PLCB1: variants seen among roughly 807,000 people sequenced by gnomAD.
The protein encoded by PLCB1 is 1-phosphatidylinositol 4,5-bisphosphate phosphodiesterase beta-1.
Under a neutral mutation model 161.8 loss-of-function variants are expected in PLCB1, and 46 were observed. The ratio of observed to expected loss-of-function variants is 0.28; its 90% CI spans 0.22 to 0.36. PLCB1 has a LOEUF of 0.36. Ranked by LOEUF, PLCB1 falls within the 10% of genes least tolerant of loss-of-function variation. The probability of loss-of-function intolerance (pLI) is 1.00; values close to 1 mark genes in which losing one functional copy is unlikely to be tolerated. For missense variants in PLCB1, 1,016 were observed against 1,472.5 expected (o/e 0.69, Z 5.07); for synonymous variants, 517 against 503.7 (o/e 1.03, Z -0.35).
At chr20:8,650,059 A>C (rs568724593) in intron 7 of PLCB1, 1 of 152,330 alleles carries the variant, frequency 6.6e-6, no homozygotes, top group African/African-American at 2.4e-5. Context: ...TTGTAGATAA[A>C]AAAGTCACCT....
intron 9 of PLCB1, among the ~76,000 whole-genome samples, chr20:8,659,197 T>G (rs185551281): frequency 5.3e-5 from 8 of 152,270 alleles, no homozygotes; most frequent in Admixed American, 5.2e-4. Flanking sequence ...TGGCTGTCTG[T>G]GTAAAAAAGC....
chr20:8,754,491 T>G (rs1981641450), intron 23 of PLCB1, among the ~76,000 whole-genome samples: 1 of 152,188 alleles, frequency 6.6e-6, no homozygotes, highest in Non-Finnish European at 1.5e-5. Flanking sequence ...TCTCTATCCT[T>G]TTTCAGAGGG....
intron 3 of PLCB1, among the ~76,000 whole-genome samples, chr20:8,581,155 C>CT (rs552189833): frequency 3.7e-4 from 56 of 152,298 alleles, no homozygotes; most frequent in African/African-American, 1.3e-3. Context: ...CTATGAAGGA[C>CT]TTTAAGTTCT....
intron 2 of PLCB1, among the ~76,000 whole-genome samples, chr20:8,272,600 C>T (rs1026527622): frequency 1.3e-5 from 2 of 151,882 alleles, no homozygotes; most frequent in Non-Finnish European, 1.5e-5. Context: ...CAATTGACCT[C>T]GAGTATACCC....
chr20:8,741,681 T>C, intron 23 of PLCB1, 108 bp downstream of exon 23: 1 of 673,222 alleles, frequency 1.5e-6, no homozygotes, highest in East Asian at 2.8e-5. Flanking sequence ...AATAGCACAT[T>C]GGAACAACAC....
chr20:8,488,326 A>C (rs1982814249), intron 3 of PLCB1, among the ~76,000 whole-genome samples: 1 of 152,090 alleles, frequency 6.6e-6, no homozygotes, highest in African/African-American at 2.4e-5. Flanking sequence ...AGGGAACTCC[A>C]CAGGGATCAA....
chr20:8,463,835 A>G (rs2122693694), intron 3 of PLCB1, among the ~76,000 whole-genome samples: 1 of 152,284 alleles, frequency 6.6e-6, no homozygotes, highest in Middle Eastern at 3.4e-3. Flanking sequence ...AACCACACAC[A>G]TTAGACATTT....
intron 10 of PLCB1, among the ~76,000 whole-genome samples, chr20:8,694,402 A>T (rs1408956573): frequency 6.6e-6 from 1 of 152,196 alleles, no homozygotes; most frequent in Non-Finnish European, 1.5e-5. Context: ...TAGGTGGACA[A>T]TAAACTCTTT....
chr20:8,334,133 C>T (rs1044537106), intron 2 of PLCB1, among the ~76,000 whole-genome samples: 4 of 151,796 alleles, frequency 2.6e-5, no homozygotes, highest in African/African-American at 7.3e-5. Flanking sequence ...TGCTTGAACC[C>T]GGGAGGTGGA....
Position 8,482,092 on chromosome 20 carries a change from A to ATTTTTTTTTT in PLCB1, c.246+110663_246+110672dup, listed in dbSNP as rs199634903. 1.8e-3 allele frequency among the ~76,000 whole-genome samples: 193 copies of ATTTTTTTTTT among 104,858 alleles called. 19 individuals carry two copies. Among genetic ancestry groups the ATTTTTTTTTT allele is most frequent in the African/African-American group, 3.2e-3 (75 of 23,640 alleles). The allele number at this position is 104,858 out of a possible 152,430, so 68.8% of individuals were successfully genotyped here. The stretch of plus-strand genomic sequence containing the variant: ...TTCAATTTATTTTGTGCTTGAAGGA[A>ATTTTTTTTTT]TTTTTTTTTTTTTTTTTTTTTTTTT... On this transcript the variant is annotated intron_variant, in intron 3 of 31. Transcript: ENST00000338037.
intron 3 of PLCB1, among the ~76,000 whole-genome samples, chr20:8,393,898 A>G (rs1283810130): frequency 6.6e-6 from 1 of 152,174 alleles, no homozygotes; most frequent in African/African-American, 2.4e-5. Context: ...AGATGTTTAG[A>G]GAACAGGTTC....
chr20:8,765,710 CA>C (rs1982279511), intron 26 of PLCB1, among the ~76,000 whole-genome samples: 1 of 151,724 alleles, frequency 6.6e-6, no homozygotes, highest in South Asian at 2.1e-4. Flanking sequence ...TTTTTTGAGA[CA>C]GAGTCTTGCC....
intron 9 of PLCB1, among the ~76,000 whole-genome samples, chr20:8,682,170 T>C (rs937179846): frequency 6.6e-6 from 1 of 152,070 alleles, no homozygotes; most frequent in African/African-American, 2.4e-5. Context: ...GGAAAGGAAA[T>C]AGAGAGAAAA....
chr20:8,637,034 A>G (rs1208596405), intron 4 of PLCB1, among the ~76,000 whole-genome samples: 1 of 150,758 alleles, frequency 6.6e-6, no homozygotes, highest in East Asian at 1.9e-4. Context: ...AGCACCACAA[A>G]AAAAAAAAAA....
chr20:8,299,961 A>G (rs1331504552), intron 2 of PLCB1, among the ~76,000 whole-genome samples: 1 of 152,198 alleles, frequency 6.6e-6, no homozygotes, highest in Non-Finnish European at 1.5e-5. Context: ...AATGTTGTGT[A>G]GCAACAACAA....
rs189711953 is a variant in PLCB1 at position 8,687,380 on chromosome 20, G to C, written c.1009+2302G>C. Among the ~76,000 whole-genome samples the C allele has an allele frequency of 2.7e-3, 408 of 152,176 alleles. 5 individuals carry two copies. The highest frequency in any genetic ancestry group is 0.023 in the Admixed American group (357 of 15,274). ...TCCATAAGTTATAAGGGTATAGGTGGTATTTGGTTACATGAGTAAGTTCTT... is the reference window on the plus strand; with the variant it reads ...TCCATAAGTTATAAGGGTATAGGTGCTATTTGGTTACATGAGTAAGTTCTT... On this transcript the variant is annotated intron_variant, in intron 10 of 31. Coordinates refer to ENST00000338037, the MANE Select transcript of PLCB1 (RefSeq NM_015192.4).
chr20:8,213,572 G>A (rs1010327950), intron 2 of PLCB1, among the ~76,000 whole-genome samples: 4 of 152,102 alleles, frequency 2.6e-5, no homozygotes, highest in Non-Finnish European at 5.9e-5. Context: ...GGTAAAGCCA[G>A]AACAGGGGTC....
chr20:8,794,468 A>G (rs2146228685), intron 31 of PLCB1, among the ~76,000 whole-genome samples: 1 of 152,320 alleles, frequency 6.6e-6, no homozygotes. Flanking sequence ...CTGCAACAAG[A>G]TGGGATGAAG....
chr20:8,833,288 T>C (rs1474682636), intron 31 of PLCB1, among the ~76,000 whole-genome samples: 1 of 152,208 alleles, frequency 6.6e-6, no homozygotes, highest in Non-Finnish European at 1.5e-5. Flanking sequence ...ATGTCTTACA[T>C]GACGACAGGC....
Sources: gnomAD v4.1 joint callset for allele counts (sites outside exome capture counted in the v4.1 genomes callset) on GRCh38, gnomAD v4.1.1 for gene constraint, MANE v1.5 for transcripts, NCBI Gene and HGNC (gene_info 2026-07-23, HGNC 2026-07-21) for gene names.